The following KHDRBS3 variants were observed in gnomAD, a reference collection of about 807,000 sequenced individuals.
KHDRBS3 encodes KH domain-containing, RNA-binding, signal transduction-associated protein 3.
KHDRBS3 carries 23 observed loss-of-function variants against 45.6 expected under a neutral mutation model. That is an observed-to-expected ratio of 0.50 (90% CI 0.36 to 0.72). The LOEUF is 0.72. Ranked by LOEUF, KHDRBS3 falls within the 30% of genes least tolerant of loss-of-function variation. KHDRBS3 has a pLI of 0.00. For synonymous variants in KHDRBS3, 162 were observed against 156.5 expected (o/e 1.04, Z -0.26); for missense variants, 352 against 424.8 (o/e 0.83, Z 1.51).
intron 1 of KHDRBS3, among the ~76,000 whole-genome samples, chr8:135,469,506 GTTTTTTTTTTGTTTTGGTTTTTTT>G (rs1265073239): frequency 0.053 from 5,873 of 111,160 alleles, 232 homozygotes; most frequent in Middle Eastern, 0.15. Flanking sequence ...CCAGGATGGT[GTTTTTTTTTTGTTTTGGTTTTTTT>G]TTTTTTTTTT....
intron 3 of KHDRBS3, among the ~76,000 whole-genome samples, chr8:135,546,283 AAT>A (rs1826297280): frequency 2.0e-5 from 3 of 152,166 alleles, no homozygotes; most frequent in African/African-American, 4.8e-5. Flanking sequence ...GTTATCAGTT[AAT>A]ATGTTTATTT....
chr8:135,543,817 G>A (rs546358329), intron 3 of KHDRBS3, among the ~76,000 whole-genome samples: 8 of 152,212 alleles, frequency 5.3e-5, no homozygotes, highest in Admixed American at 1.3e-4. Flanking sequence ...AACAGCACCC[G>A]TATATTTTCG....
intron 1 of KHDRBS3, among the ~76,000 whole-genome samples, chr8:135,465,904 G>A (rs1586551619): frequency 6.6e-6 from 1 of 152,020 alleles, no homozygotes; most frequent in African/African-American, 2.4e-5. Flanking sequence ...CTTACACTTG[G>A]GGTCACTGTT....
chr8:135,531,880 T>C (rs1420113729), intron 2 of KHDRBS3, among the ~76,000 whole-genome samples: 1 of 152,106 alleles, frequency 6.6e-6, no homozygotes, highest in African/African-American at 2.4e-5. Flanking sequence ...GGCATGGAAT[T>C]GTATATATCT....
At chr8:135,499,934 T>C (rs558995319) in intron 1 of KHDRBS3, among the ~76,000 whole-genome samples, 114 of 152,320 alleles carry the variant, frequency 7.5e-4, no homozygotes, top group African/African-American at 2.4e-3. Flanking sequence ...TTTTGAGACA[T>C]TTAAAATAAA....
At chr8:135,635,525 A>T (rs891462004) in intron 7 of KHDRBS3, among the ~76,000 whole-genome samples, 3 of 152,164 alleles carry the variant, frequency 2.0e-5, no homozygotes, top group Non-Finnish European at 4.4e-5. Context: ...CTGGGATTAT[A>T]GGCATGCGCC....
intron 1 of KHDRBS3, among the ~76,000 whole-genome samples, chr8:135,515,232 G>A (rs1824515717): frequency 6.6e-6 from 1 of 151,734 alleles, no homozygotes; most frequent in Non-Finnish European, 1.5e-5. Flanking sequence ...CAGGCGTGGT[G>A]GCGGGCGCCT....
chr8:135,608,601 T>C (rs1477933498), intron 7 of KHDRBS3, among the ~76,000 whole-genome samples: 1 of 152,230 alleles, frequency 6.6e-6, no homozygotes, highest in African/African-American at 2.4e-5. Flanking sequence ...ATATTCTTAA[T>C]CCTGGTACAT....
intron 7 of KHDRBS3, among the ~76,000 whole-genome samples, chr8:135,644,814 T>C (rs1475678561): frequency 6.6e-6 from 1 of 152,148 alleles, no homozygotes; most frequent in African/African-American, 2.4e-5. Flanking sequence ...GCGTGGCCAA[T>C]TGTTGTGGTT....
chr8:135,631,047 G>C (rs775215305), intron 7 of KHDRBS3, among the ~76,000 whole-genome samples: 9 of 151,912 alleles, frequency 5.9e-5, no homozygotes, highest in Non-Finnish European at 1.0e-4. Flanking sequence ...TCAGGAGTTC[G>C]AGACCAGTCT....
chr8:135,483,366 A>C (rs1168904630), intron 1 of KHDRBS3, among the ~76,000 whole-genome samples: 2 of 152,146 alleles, frequency 1.3e-5, no homozygotes, highest in Admixed American at 6.5e-5. Flanking sequence ...AAGTAAACAC[A>C]TTCTGCTGCC....
At position 135,493,839 on chromosome 8, in the gene KHDRBS3, A is replaced by G. The variant is rs572744700; in HGVS notation, c.89-27398A>G. Reference sequence around the variant, plus strand: ...TTTATTCTGGAAGAGTTTGTGTACAATTGTTATCATTCTATCTTACATGAG... The same window carrying G: ...TTTATTCTGGAAGAGTTTGTGTACAGTTGTTATCATTCTATCTTACATGAG... On this transcript the variant is annotated intron_variant, in intron 1 of 8. Transcript: ENST00000355849. Among the ~76,000 whole-genome samples the G allele has an allele frequency of 1.4e-4, 21 of 152,268 alleles. No homozygotes were observed. The South Asian group carries it at 1.9e-3, about 14-fold the overall frequency.
intron 5 of KHDRBS3, among the ~76,000 whole-genome samples, chr8:135,565,143 G>A (rs138871289): frequency 2.0e-5 from 3 of 152,250 alleles, no homozygotes; most frequent in African/African-American, 7.2e-5. Context: ...CTCATTGTTC[G>A]TGATTCCCGC....
intron 6 of KHDRBS3, among the ~76,000 whole-genome samples, chr8:135,598,730 T>C (rs12171677): frequency 0.77 from 117,841 of 152,122 alleles, 45,953 homozygotes; most frequent in East Asian, 0.96. Flanking sequence ...TACTATTACC[T>C]AGAACCCCAG....
chr8:135,615,909 A>T (rs1829895195), intron 7 of KHDRBS3, among the ~76,000 whole-genome samples: 1 of 152,296 alleles, frequency 6.6e-6, no homozygotes, highest in South Asian at 2.1e-4. Flanking sequence ...TGAGTCTGAG[A>T]AGCAAGACTG....
chr8:135,585,453 G>A (rs1227157859), intron 6 of KHDRBS3, among the ~76,000 whole-genome samples: 2 of 151,936 alleles, frequency 1.3e-5, no homozygotes, highest in African/African-American at 4.8e-5. Flanking sequence ...ATGAGGGTAG[G>A]CACTCTCCCC....
intron 7 of KHDRBS3, among the ~76,000 whole-genome samples, chr8:135,618,809 A>C (rs891090049): frequency 1.4e-4 from 21 of 152,190 alleles, no homozygotes; most frequent in African/African-American, 5.1e-4. Context: ...CCCACCTACA[A>C]AAACGTAGTG....
intron 7 of KHDRBS3, 123 bp from the exon 8 acceptor site, chr8:135,644,936 T>C: frequency 1.0e-6 from 1 of 981,436 alleles, no homozygotes; most frequent in Non-Finnish European, 1.5e-6. Context: ...TCGGTGGGAA[T>C]TTCTTTGAAT....
intron 7 of KHDRBS3, among the ~76,000 whole-genome samples, chr8:135,633,032 T>C (rs946455005): frequency 7.5e-5 from 5 of 66,736 alleles, no homozygotes; most frequent in East Asian, 1.6e-3. Flanking sequence ...GTTCAGTTCT[T>C]CCAATCTCTT....
Sources: allele counts gnomAD v4.1 joint callset (sites outside exome capture counted in the v4.1 genomes callset), GRCh38; gene constraint gnomAD v4.1.1; transcripts MANE v1.5; gene names NCBI Gene and HGNC (gene_info 2026-07-23, HGNC 2026-07-21).